The following FARP1 variants were observed in gnomAD, a reference collection of about 807,000 sequenced individuals.
FARP1 encodes the protein FERM, ARHGEF and pleckstrin domain-containing protein 1.
FARP1 carries 52 observed loss-of-function variants against 128.8 expected under a neutral mutation model. The observed-to-expected ratio is 0.40, with a 90% CI of 0.32 to 0.51. The LOEUF (loss-of-function observed/expected upper bound fraction) is 0.51, where lower values mean the gene tolerates loss of function less well. FARP1 is among the 20% of genes least tolerant of loss of function. The pLI is 0.45. For missense variants in FARP1, 1,333 were observed against 1,367.9 expected, an observed-to-expected ratio of 0.97 and a Z score of 0.40; for synonymous variants, 580 against 551.8, an observed-to-expected ratio of 1.05 and a Z score of -0.72.
chr13:98,212,400 T>C (rs114036217), intron 1 of FARP1, among the ~76,000 whole-genome samples: 1 of 152,068 alleles, frequency 6.6e-6, no homozygotes, highest in Non-Finnish European at 1.5e-5. Context: ...GGTAGAAGTT[T>C]CCAGGTGAAG....
At position 98,287,208 on chromosome 13, in the gene FARP1, C is replaced by CTTTTTTTTTTTTTTTTTTTTTTTTT. The variant is rs71111939; in HGVS notation, c.172-56538_172-56514dup. On this transcript the variant is annotated intron_variant, in intron 2 of 26. Coordinates refer to ENST00000319562, the MANE Select transcript of FARP1 (RefSeq NM_005766.4). The stretch of plus-strand genomic sequence containing the variant: ...TTTCCAAATTAACCATCAGACATGT[C>CTTTTTTTTTTTTTTTTTTTTTTTTT]TTTTTTTTTTTTTTTTTTTTTTTTT... Among the ~76,000 whole-genome samples, 4 of 75,812 alleles carry CTTTTTTTTTTTTTTTTTTTTTTTTT rather than the reference C, an allele frequency of 5.3e-5. 1 individual carries two copies. The highest frequency in any genetic ancestry group is 1.6e-4 in the Admixed American group (1 of 6,232). The allele number at this position is 75,812 out of a possible 152,430, so 49.7% of individuals were successfully genotyped here.
chr13:98,314,022 C>T (rs643896), intron 2 of FARP1, among the ~76,000 whole-genome samples: 52,088 of 152,112 alleles, frequency 0.34, 10,130 homozygotes, highest in Non-Finnish European at 0.44. Context: ...GCTACAGGTC[C>T]CTCTTGTGTA....
In FARP1 at chr13:98,381,014, G is replaced by A. The variant is rs141552211; in HGVS notation, c.496+3096G>A. Among the ~76,000 whole-genome samples the A allele has an allele frequency of 2.8e-4, 43 of 152,296 alleles. 1 individual carries two copies. Among genetic ancestry groups the A allele is most frequent in the African/African-American group, 9.4e-4 (39 of 41,566 alleles). On this transcript the variant is annotated intron_variant, in intron 6 of 26. Coordinates refer to ENST00000319562, the MANE Select transcript of FARP1 (RefSeq NM_005766.4). ...TCCAGAAAACCATGGTCTCAGTCCAGTATACCATTTTCCCCCCAGAAACCA... is the reference window on the plus strand; with the variant it reads ...TCCAGAAAACCATGGTCTCAGTCCAATATACCATTTTCCCCCCAGAAACCA...
At position 98,392,500 on chromosome 13, in the gene FARP1, CAAAAAAAAAAAAGAG is replaced by C. The variant is rs1339466914; in HGVS notation, c.1089-1136_1089-1122del. ...TGGGCCACAGAGCGAGATCCTGTCC[CAAAAAAAAAAAAGAG>C]AAAAAAGAAAAACTGCTCTGAGTGT... On this transcript the variant is annotated intron_variant, in intron 11 of 26. Transcript: ENST00000319562. 5.1e-5 allele frequency among the ~76,000 whole-genome samples: 7 copies of C among 136,394 alleles called. No homozygotes were observed. The East Asian group carries it at 1.1e-3, about 21-fold the overall frequency. The allele number at this position is 136,394 out of a possible 152,430, so 89.5% of individuals were successfully genotyped here.
rs547288924 is a variant in FARP1 at position 98,448,313 on chromosome 13, A to G, written c.3134A>G (p.Tyr1045Cys). The G allele has an allele frequency of 1.2e-6, 2 of 1,611,592 alleles. No individual in the cohort carries two copies. The highest frequency in any genetic ancestry group is 2.7e-5 in the African/African-American group (2 of 75,026). The stretch of plus-strand genomic sequence containing the variant: ...TTGAGTCACAAAGAGTCTCTTGTGT[A>G]TTGATGGCCGGACACACTCGTTTCC... The part of the protein sequence containing the change: ...HVLSHKESLV[Y>C] Residue 1045 changes from tyrosine to cysteine, a missense_variant, in exon 27 of 27, where the codon TAT becomes TGT. By Grantham distance (194) the Tyr-to-Cys change is radical. Transcript: ENST00000319562.
chr13:98,440,126 T>G lies in FARP1; in HGVS notation c.2520T>G (p.Ser840=). The G allele has an allele frequency of 6.2e-7, 1 of 1,613,508 alleles. No individual in the cohort carries two copies. Among genetic ancestry groups the G allele is most frequent in the Non-Finnish European group, 8.5e-7 (1 of 1,179,480 alleles). Residue 840 remains serine, a synonymous_variant, in exon 23 of 27, where the codon TCT becomes TCG. Coordinates refer to ENST00000319562, the MANE Select transcript of FARP1 (RefSeq NM_005766.4). ...QRQSIIVAAS[S]RSEMEKWVED... The stretch of plus-strand genomic sequence containing the variant: ...CCTGACGCGTCTCTGTCTCCAGTTC[T>G]CGGTCCGAGATGGAGAAGTGGGTTG...
At chr13:98,375,669 C>T (rs2140002126) in intron 5 of FARP1, among the ~76,000 whole-genome samples, 1 of 152,204 alleles carries the variant, frequency 6.6e-6, no homozygotes. Flanking sequence ...GCTCCTGTCA[C>T]CCAGGCTGGA....
At chr13:98,232,147 T>TTG in intron 2 of FARP1, among the ~76,000 whole-genome samples, 11 of 133,656 alleles carry the variant, frequency 8.2e-5, no homozygotes, top group Non-Finnish European at 1.1e-4. Flanking sequence ...TTTGGTTGGT[T>TTG]TTTTTTTTTT....
At chr13:98,166,676 A>G (rs993907368) in intron 1 of FARP1, among the ~76,000 whole-genome samples, 10 of 151,380 alleles carry the variant, frequency 6.6e-5, no homozygotes, top group Non-Finnish European at 1.5e-4. Flanking sequence ...GTGATGGCAA[A>G]TATTTTCACC....
At chr13:98,321,390 C>A (rs1258648816) in intron 2 of FARP1, among the ~76,000 whole-genome samples, 2 of 152,172 alleles carry the variant, frequency 1.3e-5, no homozygotes, top group African/African-American at 4.8e-5. Flanking sequence ...TGAAGTTAAA[C>A]CCACGCTTAG....
At chr13:98,350,606 T>C (rs938378908) in intron 3 of FARP1, among the ~76,000 whole-genome samples, 11 of 152,056 alleles carry the variant, frequency 7.2e-5, no homozygotes, top group African/African-American at 2.4e-4. Context: ...TTACACAGAG[T>C]TGTGTTACCG....
chr13:98,338,310 C>A (rs1169571074), intron 2 of FARP1, among the ~76,000 whole-genome samples: 2 of 152,154 alleles, frequency 1.3e-5, no homozygotes, highest in Admixed American at 1.3e-4. Flanking sequence ...ATCACTAACT[C>A]CCCATTTCCC....
intron 5 of FARP1, among the ~76,000 whole-genome samples, chr13:98,371,563 T>A (rs1270319103): frequency 1.3e-5 from 2 of 152,106 alleles, no homozygotes; most frequent in Non-Finnish European, 2.9e-5. Flanking sequence ...TCCTACTTTT[T>A]TTTTTATCAT....
chr13:98,300,621 C>G (rs1166174799), intron 2 of FARP1, among the ~76,000 whole-genome samples: 1 of 152,254 alleles, frequency 6.6e-6, no homozygotes, highest in East Asian at 1.9e-4. Context: ...TCTTCCATCT[C>G]TGCAGGTGAA....
chr13:98,219,202 C>T (rs1219836545), intron 2 of FARP1, among the ~76,000 whole-genome samples: 3 of 152,138 alleles, frequency 2.0e-5, no homozygotes, highest in Admixed American at 1.3e-4. Flanking sequence ...GAAAAAGGGA[C>T]GGAGCCGAAG....
intron 1 of FARP1, among the ~76,000 whole-genome samples, chr13:98,196,201 C>G (rs905194383): frequency 6.6e-6 from 1 of 152,138 alleles, no homozygotes; most frequent in African/African-American, 2.4e-5. Context: ...GTGATTGCAT[C>G]TAAAATGACT....
Position 98,308,489 on chromosome 13 carries a change from G to A in FARP1, c.172-35273G>A, listed in dbSNP as rs146131692. Among the ~76,000 whole-genome samples the A allele has an allele frequency of 6.4e-3, 974 of 152,182 alleles. 7 individuals carry two copies. The highest frequency in any genetic ancestry group is 0.023 in the African/African-American group (935 of 41,510). On this transcript the variant is annotated intron_variant, in intron 2 of 26. Transcript: ENST00000319562. ...GAAGATGAGGTCAGAGGCTGGAGCC[G>A]CTGTCCAGGACAGCCTGACGAGCCA... is the stretch of plus-strand genomic sequence containing the variant.
chr13:98,329,973 C>T (rs1440823603), intron 2 of FARP1: 1 of 152,166 alleles, frequency 6.6e-6, no homozygotes, highest in Non-Finnish European at 1.5e-5. Context: ...AGAAATAGAG[C>T]AGAATCAGGG....
At chr13:98,306,678 CTAACT>C (rs1429144758) in intron 2 of FARP1, among the ~76,000 whole-genome samples, 1 of 37,702 alleles carries the variant, frequency 2.7e-5, no homozygotes, top group African/African-American at 7.4e-5. Context: ...CCACACCCGG[CTAACT>C]TTTTTTTTTA....
Sources: gnomAD v4.1 joint callset for allele counts (sites outside exome capture counted in the v4.1 genomes callset) on GRCh38, gnomAD v4.1.1 for gene constraint, MANE v1.5 for transcripts, NCBI Gene and HGNC (gene_info 2026-07-23, HGNC 2026-07-21) for gene names.